The following CALN1 variants were observed in gnomAD, a reference collection of about 807,000 sequenced individuals.
CALN1 encodes the protein calneuron 1.
CALN1 carries 17 observed loss-of-function variants against 30.6 expected under a neutral mutation model. The observed-to-expected ratio is 0.56, with a 90% CI of 0.38 to 0.83. The LOEUF is 0.83. CALN1 is among the 40% of genes least tolerant of loss of function. CALN1 has a pLI of 0.00. For missense variants in CALN1, 291 were observed against 354.9 expected (o/e 0.82, Z 1.45); for synonymous variants, 156 against 131.4 (o/e 1.19, Z -1.28).
At chr7:71,981,127 C>G (rs1204360982) in intron 5 of CALN1, among the ~76,000 whole-genome samples, 1 of 152,122 alleles carries the variant, frequency 6.6e-6, no homozygotes, top group Non-Finnish European at 1.5e-5. Flanking sequence ...AGTTTTTATC[C>G]ATGGTTCCTG....
At chr7:71,853,904 C>T (rs1584376149) in intron 5 of CALN1, among the ~76,000 whole-genome samples, 2 of 152,194 alleles carry the variant, frequency 1.3e-5, no homozygotes, top group East Asian at 1.9e-4. Context: ...TTGATTAAGT[C>T]CATGAGTCCA....
At chr7:72,091,955 C>T (rs749092557) in intron 4 of CALN1, among the ~76,000 whole-genome samples, 46 of 152,184 alleles carry the variant, frequency 3.0e-4, no homozygotes, top group Non-Finnish European at 8.8e-5. Context: ...AGACTATTGA[C>T]TTCAGCTTGA....
intron 5 of CALN1, among the ~76,000 whole-genome samples, chr7:71,874,189 C>T (rs754145449): frequency 1.3e-5 from 2 of 150,108 alleles, no homozygotes; most frequent in African/African-American, 4.9e-5. Context: ...ATATGAGAAT[C>T]GCTAGAACTT....
At chr7:72,409,082 G>C (rs892011512) in intron 1 of CALN1, among the ~76,000 whole-genome samples, 2 of 151,634 alleles carry the variant, frequency 1.3e-5, no homozygotes, top group African/African-American at 2.4e-5. Context: ...TGCAACTTCC[G>C]CCTCCCGGAT....
intron 3 of CALN1, among the ~76,000 whole-genome samples, chr7:72,257,966 G>A (rs1257878378): frequency 6.6e-6 from 1 of 152,130 alleles, no homozygotes; most frequent in African/African-American, 2.4e-5. Flanking sequence ...ACTCGAGGGG[G>A]AAGAGTGGGA....
intron 5 of CALN1, among the ~76,000 whole-genome samples, chr7:71,824,929 A>G (rs948378688): frequency 3.3e-5 from 5 of 152,062 alleles, no homozygotes; most frequent in African/African-American, 9.7e-5. Context: ...GAGTGATCTC[A>G]CCCATTTATC....
At chr7:72,315,582 G>A (rs1200313109) in intron 2 of CALN1, among the ~76,000 whole-genome samples, 5 of 152,018 alleles carry the variant, frequency 3.3e-5, no homozygotes, top group Non-Finnish European at 7.4e-5. Context: ...GTGGATGCCT[G>A]TAGTCCCAGC....
intron 2 of CALN1, among the ~76,000 whole-genome samples, chr7:72,368,046 G>A (rs147553686): frequency 0.011 from 1,705 of 151,962 alleles, 40 homozygotes; most frequent in African/African-American, 0.038. Context: ...GCATGAACCC[G>A]GGAGGCAGAG....
chr7:72,106,211 A>G lies in CALN1; in HGVS notation c.328T>C (p.Leu110=). 1 of 1,614,088 alleles carries G rather than the reference A, an allele frequency of 6.2e-7. No homozygotes were observed. The highest frequency in any genetic ancestry group is 2.2e-5 in the East Asian group (1 of 44,836). Residue 110 remains leucine (L), a synonymous_variant, in exon 4 of 7, where the codon TTG becomes CTG. Coordinates refer to ENST00000395275, the MANE Select transcript of CALN1 (RefSeq NM_031468.4). ...KQELGMAMRS[L]GYMPSEVELA... ...TCCACCTCGCTTGGCATGTACCCCA[A>G]AGAGCGCATGGCCATGCCCAGCTCC...
chr7:71,829,429 T>C (rs1259028835), intron 5 of CALN1, among the ~76,000 whole-genome samples: 2 of 152,164 alleles, frequency 1.3e-5, no homozygotes, highest in African/African-American at 4.8e-5. Flanking sequence ...CCTCCAGAAA[T>C]GTAGAATACA....
chr7:72,483,555 G>C, the CALN1 span, among the ~76,000 whole-genome samples: 1 of 152,110 alleles, frequency 6.6e-6, no homozygotes, highest in Non-Finnish European at 1.5e-5. Context: ...CAAGTGCTGG[G>C]ATTACAGGCG....
rs78148283 is a variant in CALN1 at position 72,074,904 on chromosome 7, A to T, written c.388+31247T>A. Among the ~76,000 whole-genome samples, 1,374 of 152,378 alleles carry T rather than the reference A, an allele frequency of 9.0e-3. 14 individuals carry two copies. Among genetic ancestry groups the T allele is most frequent in the African/African-American group, 0.029 (1,199 of 41,584 alleles). On this transcript the variant is annotated intron_variant, in intron 4 of 6. Coordinates refer to ENST00000395275, the MANE Select transcript of CALN1 (RefSeq NM_031468.4). ...TAGATCACACTTCGAAGAAGTTAAT[A>T]GTCTCATGAGATAAGATCTATAAAT...
chr7:71,924,300 C>T (rs905437542), intron 5 of CALN1, among the ~76,000 whole-genome samples: 3 of 148,146 alleles, frequency 2.0e-5, no homozygotes, highest in Non-Finnish European at 3.0e-5. Context: ...GATCTTTTTG[C>T]AGTGACTGGT....
intron 1 of CALN1, among the ~76,000 whole-genome samples, chr7:72,435,134 C>T (rs1202580591): frequency 6.6e-6 from 1 of 151,568 alleles, no homozygotes; most frequent in African/African-American, 2.4e-5. Flanking sequence ...ATTCAGAAGG[C>T]TGAGGTGGGA....
At chr7:72,271,575 A>AAAAAAAAAAATATATATATAT in intron 3 of CALN1, among the ~76,000 whole-genome samples, 6 of 52,120 alleles carry the variant, frequency 1.2e-4, no homozygotes, top group South Asian at 1.2e-3. Flanking sequence ...AAAAAAAAAA[A>AAAAAAAAAAATATATATATAT]ATATATATAT....
the CALN1 span, among the ~76,000 whole-genome samples, chr7:72,475,732 T>A: frequency 6.6e-6 from 1 of 152,086 alleles, no homozygotes; most frequent in Non-Finnish European, 1.5e-5. Context: ...ATATTAGGGA[T>A]GTTGTAGAAG....
intron 3 of CALN1, among the ~76,000 whole-genome samples, chr7:72,231,754 T>TG (rs1265946475): frequency 6.6e-6 from 1 of 152,228 alleles, no homozygotes; most frequent in Non-Finnish European, 1.5e-5. Flanking sequence ...AGGCATCCAC[T>TG]GGGGGTCTTG....
chr7:72,121,223 A>G (rs1458559387), intron 3 of CALN1, among the ~76,000 whole-genome samples: 1 of 143,688 alleles, frequency 7.0e-6, no homozygotes, highest in Non-Finnish European at 1.5e-5. Context: ...TATGTATTAT[A>G]TAACTATATA....
intron 1 of CALN1, among the ~76,000 whole-genome samples, chr7:72,422,237 C>T (rs1219009879): frequency 6.6e-6 from 1 of 152,214 alleles, no homozygotes; most frequent in Non-Finnish European, 1.5e-5. Context: ...TACTAGTTTA[C>T]ATTCCCGCCA....
Sources: allele counts gnomAD v4.1 joint callset (sites outside exome capture counted in the v4.1 genomes callset), GRCh38; gene constraint gnomAD v4.1.1; transcripts MANE v1.5; gene names NCBI Gene and HGNC (gene_info 2026-07-23, HGNC 2026-07-21).